GRM3: variants seen among roughly 807,000 people sequenced by gnomAD.
GRM3 encodes the protein metabotropic glutamate receptor 3.
In GRM3, 26 loss-of-function variants were observed where a neutral mutation model predicts 70.5. That is an observed-to-expected ratio of 0.37 (90% CI 0.27 to 0.51). The LOEUF is 0.51. Ranked by LOEUF, GRM3 falls within the 20% of genes least tolerant of loss-of-function variation. The pLI is 0.93. For missense variants in GRM3, 859 were observed against 1,123.8 expected (o/e 0.76, Z 3.37); for synonymous variants, 443 against 434.9 (o/e 1.02, Z -0.23).
intron 3 of GRM3, among the ~76,000 whole-genome samples, chr7:86,825,040 A>G (rs1031756798): frequency 6.6e-6 from 1 of 152,202 alleles, no homozygotes; most frequent in Admixed American, 6.5e-5. Flanking sequence ...AGTTCAAAAT[A>G]GAAATTATGG....
intron 3 of GRM3, among the ~76,000 whole-genome samples, chr7:86,833,394 G>GATAATAATA (rs113026975): frequency 4.7e-5 from 7 of 149,738 alleles, no homozygotes; most frequent in African/African-American, 1.5e-4. Flanking sequence ...CTTAAAGTAT[G>GATAATAATA]ATAATAATAA....
chr7:86,647,561 G>C (rs1262104110), intron 1 of GRM3, among the ~76,000 whole-genome samples: 1 of 152,160 alleles, frequency 6.6e-6, no homozygotes, highest in Non-Finnish European at 1.5e-5. Flanking sequence ...AAAAAAAGGA[G>C]TACGTGTTTA....
At chr7:86,800,365 G>GA (rs1223270742) in intron 3 of GRM3, among the ~76,000 whole-genome samples, 2 of 151,784 alleles carry the variant, frequency 1.3e-5, no homozygotes, top group Non-Finnish European at 2.9e-5. Context: ...TTGGTTTTCA[G>GA]AAAAAAATAA....
rs564854319 is a variant in GRM3, at chr7:86,694,234, CA to C, written c.-141+49365del. ...GAAGTACAAACTCATTCTTAAAAAT[CA>C]AAGAGAAAGGCCGGGCGTGGTGGCT... On this transcript the variant is annotated intron_variant, in intron 1 of 5. Transcript: ENST00000361669. Among the ~76,000 whole-genome samples, 19 of 152,084 alleles carry C rather than the reference CA, an allele frequency of 1.2e-4. No homozygotes were observed. The South Asian group carries it at 3.9e-3, about 32-fold the overall frequency.
In GRM3 at chr7:86,765,341, A is replaced by T; in HGVS notation, c.196A>T (p.Ile66Phe). 1 of 1,613,936 alleles carries T rather than the reference A, an allele frequency of 6.2e-7. No individual in the cohort carries two copies. Among genetic ancestry groups the T allele is most frequent in the South Asian group, 1.1e-5 (1 of 91,080 alleles). ...TGGGCGAATCAATGAAGACCGAGGG[A>T]TTCAACGCCTGGAAGCCATGTTGTT... ...ECGRINEDRG[I>F]QRLEAMLFAI... The change falls in exon 2 of 6, where the codon ATT (isoleucine) becomes TTT (phenylalanine). Residue 66 changes from isoleucine to phenylalanine, a missense_variant. Transcript: ENST00000361669.
At chr7:86,794,581 G>A in intron 3 of GRM3, among the ~76,000 whole-genome samples, 1 of 152,176 alleles carries the variant, frequency 6.6e-6, no homozygotes, top group East Asian at 1.9e-4. Context: ...GATGGCTAAA[G>A]AACTTGAAAA....
intron 1 of GRM3, among the ~76,000 whole-genome samples, chr7:86,715,411 C>G (rs1005021692): frequency 6.6e-6 from 1 of 152,000 alleles, no homozygotes; most frequent in African/African-American, 2.4e-5. Context: ...CCCTGAGCCT[C>G]TGTTTCCTTA....
intron 1 of GRM3, among the ~76,000 whole-genome samples, chr7:86,659,477 G>T (rs1793837004): frequency 6.6e-6 from 1 of 152,088 alleles, no homozygotes. Context: ...CTAGGATTTA[G>T]ATCTGGCATT....
At chr7:86,671,019 C>G (rs1222369860) in intron 1 of GRM3, among the ~76,000 whole-genome samples, 1 of 152,180 alleles carries the variant, frequency 6.6e-6, no homozygotes, top group Non-Finnish European at 1.5e-5. Flanking sequence ...GTTTGAACTA[C>G]TAACTGAAAT....
chr7:86,861,868 C>A (rs28639719), intron 5 of GRM3, among the ~76,000 whole-genome samples: 18,133 of 151,964 alleles, frequency 0.12, 1,357 homozygotes, highest in African/African-American at 0.22. Flanking sequence ...TATATTGCAA[C>A]AAAAAAGCAA....
chr7:86,759,330 G>T (rs976510090), intron 1 of GRM3, among the ~76,000 whole-genome samples: 1 of 152,088 alleles, frequency 6.6e-6, no homozygotes, highest in African/African-American at 2.4e-5. Flanking sequence ...TCAGATCAAA[G>T]ATATTTGGGT....
chr7:86,847,970 C>T (rs1048021881), intron 4 of GRM3, among the ~76,000 whole-genome samples: 3 of 152,108 alleles, frequency 2.0e-5, no homozygotes, highest in Non-Finnish European at 4.4e-5. Flanking sequence ...TCCATTATCT[C>T]TTCAGTATTT....
intron 3 of GRM3, among the ~76,000 whole-genome samples, chr7:86,837,720 T>C (rs1184660468): frequency 6.6e-6 from 1 of 152,076 alleles, no homozygotes; most frequent in Non-Finnish European, 1.5e-5. Context: ...TGAATCACAA[T>C]GTGAAGGACA....
At chr7:86,828,663 GA>G in intron 3 of GRM3, among the ~76,000 whole-genome samples, 1 of 152,184 alleles carries the variant, frequency 6.6e-6, no homozygotes. Flanking sequence ...TCTTTTTGCT[GA>G]TTGACGGTCT....
intron 1 of GRM3, 85 bp from the exon 2 acceptor site, chr7:86,764,921 C>G: frequency 1.1e-6 from 1 of 895,110 alleles, no homozygotes; most frequent in Non-Finnish European, 1.6e-6. Flanking sequence ...CTGAGTCATC[C>G]CATTAAAGGT....
At chr7:86,838,293 G>A (rs914510143) in intron 3 of GRM3, among the ~76,000 whole-genome samples, 1 of 152,112 alleles carries the variant, frequency 6.6e-6, no homozygotes, top group Non-Finnish European at 1.5e-5. Flanking sequence ...ATGATAGGTA[G>A]TTTAATTTTT....
chr7:86,753,910 C>A (rs549545951), intron 1 of GRM3, among the ~76,000 whole-genome samples: 6 of 152,238 alleles, frequency 3.9e-5, no homozygotes, highest in African/African-American at 1.2e-4. Flanking sequence ...AAGGTGCCAG[C>A]ATGGTGACAC....
chr7:86,824,054 G>A (rs954978806), intron 3 of GRM3, among the ~76,000 whole-genome samples: 6 of 152,148 alleles, frequency 3.9e-5, no homozygotes, highest in African/African-American at 1.4e-4. Context: ...GCAAAGGAGC[G>A]CATGAAGACG....
rs1793402636 is a variant in GRM3, at chr7:86,644,446, A to G, written c.-567A>G. ...GTGAAGGAAAGTTGCTTCCGCGCCT[A>G]GGAAGTGGGTTTGCCTGATAAGAGA... On this transcript the variant is annotated 5_prime_UTR_variant, in exon 1 of 6. Coordinates refer to ENST00000361669, the MANE Select transcript of GRM3 (RefSeq NM_000840.3). 3.0e-6 allele frequency: 1 copy of G among 333,634 alleles called. No homozygotes were observed. The highest frequency in any genetic ancestry group is 5.9e-6 in the Non-Finnish European group (1 of 170,324). 20.7% of individuals were successfully genotyped at this position (333,634 alleles called of 1,614,324 possible).
Sources: allele counts gnomAD v4.1 joint callset (sites outside exome capture counted in the v4.1 genomes callset), GRCh38; gene constraint gnomAD v4.1.1; transcripts MANE v1.5; gene names NCBI Gene and HGNC (gene_info 2026-07-23, HGNC 2026-07-21).